Variants in SLF2 observed in about 807,000 individuals in gnomAD.
SLF2 encodes SMC5/6 complex localization factor 2.
A neutral mutation model predicts 124.3 loss-of-function variants in SLF2; 68 were observed. The ratio of observed to expected loss-of-function variants is 0.55; its 90% CI spans 0.45 to 0.67. The LOEUF is 0.67. SLF2 is among the 30% of genes least tolerant of loss of function. The pLI, the probability that SLF2 is intolerant of heterozygous loss-of-function variation, is 0.00. For missense variants in SLF2, 1,246 were observed against 1,373.7 expected, an observed-to-expected ratio of 0.91 and a Z score of 1.47; for synonymous variants, 480 against 478.8, an observed-to-expected ratio of 1.00 and a Z score of -0.03.
chr10:100,917,409 G>A (rs1310988163), intron 3 of SLF2, 109 bp downstream of exon 3: 6 of 1,244,892 alleles, frequency 4.8e-6, no homozygotes, highest in Admixed American at 5.4e-5. Context: ...CTTTCCTGAA[G>A]GAAATACTTA....
At chr10:100,947,329 A>ATT (rs879901254) in intron 14 of SLF2, among the ~76,000 whole-genome samples, 193 bp downstream of exon 14, 1 of 144,618 alleles carries the variant, frequency 6.9e-6, no homozygotes. Context: ...TCATTATGTA[A>ATT]TTTTTTTTTT....
chr10:100,915,133 A>G (rs917284906), intron 1 of SLF2, among the ~76,000 whole-genome samples: 6 of 152,204 alleles, frequency 3.9e-5, no homozygotes, highest in Non-Finnish European at 5.9e-5. Context: ...GTTAAGCCAG[A>G]TAATGAAATC....
At chr10:100,945,562 C>T (rs1008407375) in intron 13 of SLF2, 56 bp downstream of exon 13, 22 of 1,320,458 alleles carry the variant, frequency 1.7e-5, no homozygotes, top group Middle Eastern at 2.2e-4. Context: ...CAATTTGACT[C>T]ATAGTGCATA....
chr10:100,921,940 G>A (rs1270004858), intron 4 of SLF2, among the ~76,000 whole-genome samples: 1 of 152,154 alleles, frequency 6.6e-6, no homozygotes, highest in African/African-American at 2.4e-5. Context: ...TCAGGTAATG[G>A]GAGATATCTG....
At chr10:100,914,456 G>A (rs148296912) in intron 1 of SLF2, among the ~76,000 whole-genome samples, 84 of 152,096 alleles carry the variant, frequency 5.5e-4, no homozygotes, top group African/African-American at 2.0e-3. Context: ...TCTCTTTCTG[G>A]TGTATTAATC....
In SLF2 at chr10:100,912,979, C is replaced by G; in HGVS notation, c.-132C>G. The G allele has an allele frequency of 3.2e-6, 3 of 942,994 alleles. No individual in the cohort carries two copies. Among genetic ancestry groups the G allele is most frequent in the Non-Finnish European group, 4.7e-6 (3 of 643,448 alleles). 58.4% of individuals were successfully genotyped at this position (942,994 alleles called of 1,614,324 possible). A position where few individuals can be genotyped will look rare whatever the true frequency, so the allele number is the denominator to read the frequency against. On this transcript the variant is annotated 5_prime_UTR_variant, in exon 1 of 20. Transcript: ENST00000238961. ...GCCGGAGTCACTTCCGAAGAGAGAA[C>G]CGCCATGAAGAGAGAAGGGGGTGCC... is the stretch of plus-strand genomic sequence containing the variant.
At chr10:100,946,183 T>C (rs534303015) in intron 13 of SLF2, among the ~76,000 whole-genome samples, 1 of 152,328 alleles carries the variant, frequency 6.6e-6, no homozygotes, top group African/African-American at 2.4e-5. Flanking sequence ...ATCACTTTGC[T>C]TCAATAATTG....
At chr10:100,950,603 C>T (rs1487932182) in intron 16 of SLF2, 73 bp from the exon 17 acceptor site, 3 of 1,310,666 alleles carry the variant, frequency 2.3e-6, no homozygotes, top group African/African-American at 2.9e-5. Flanking sequence ...GGGCAATTTT[C>T]CTAATGTGTA....
intron 15 of SLF2, among the ~76,000 whole-genome samples, chr10:100,949,222 T>G (rs1045710041): frequency 6.6e-6 from 1 of 152,214 alleles, no homozygotes. Flanking sequence ...CAGATAGTTC[T>G]CATTCCTTTC....
chr10:100,961,042 C>T (rs568645532), intron 19 of SLF2, among the ~76,000 whole-genome samples: 1 of 100,250 alleles, frequency 1.0e-5, no homozygotes, highest in South Asian at 3.5e-4. Context: ...CGGAGTCTTG[C>T]TCTGTCACCC....
intron 3 of SLF2, among the ~76,000 whole-genome samples, chr10:100,917,977 C>T (rs935437667): frequency 6.6e-6 from 1 of 152,174 alleles, no homozygotes; most frequent in Non-Finnish European, 1.5e-5. Context: ...CTCCTAGCTA[C>T]TTAGGAGGCT....
Position 100,961,935 on chromosome 10 carries a change from A to G in SLF2, c.*23A>G, listed in dbSNP as rs200913431. On this transcript the variant is annotated 3_prime_UTR_variant, in exon 20 of 20. Transcript: ENST00000238961. ...TAATAGGAGTTGCAGCAGCAAAAAT[A>G]TGAACCAAGAGAAATTCAATAAGAG... 9.4e-6 allele frequency: 15 copies of G among 1,599,296 alleles called. No individual in the cohort carries two copies. Among genetic ancestry groups the G allele is most frequent in the South Asian group, 1.1e-5 (1 of 89,418 alleles).
chr10:100,941,298 A>T (rs1199038001), intron 11 of SLF2, among the ~76,000 whole-genome samples: 1 of 152,232 alleles, frequency 6.6e-6, no homozygotes, highest in African/African-American at 2.4e-5. Context: ...AAATTCAGAT[A>T]TTAAGGGATA....
At position 100,913,132 on chromosome 10, in the gene SLF2, G is replaced by A. The variant is rs1002228459; in HGVS notation, c.22G>A (p.Ala8Thr). The stretch of plus-strand genomic sequence containing the variant: ...CGACATGACAAGGCGCTGCATGCCC[G>A]CTAGGCCAGGTTTCCCCTCATCCCC... MTRRCMP[A>T]RPGFPSSPAP... The change falls in exon 1 of 20, where the codon GCT (alanine) becomes ACT (threonine). Residue 8 changes from alanine to threonine, a missense_variant. Ala to Thr is a moderately conservative substitution (Grantham distance 58). This residue lies in a region of SLF2 where 698 missense variants were observed against 708.9 expected (regional missense o/e 0.98). Coordinates refer to ENST00000238961, the MANE Select transcript of SLF2 (RefSeq NM_018121.4). 3.1e-6 allele frequency: 5 copies of A among 1,613,118 alleles called. No individual in the cohort carries two copies. The highest frequency in any genetic ancestry group is 1.7e-4 in the Middle Eastern group (1 of 6,060).
intron 19 of SLF2, 88 bp downstream of exon 19, chr10:100,959,584 C>T (rs764531572): frequency 1.0e-5 from 15 of 1,504,254 alleles, no homozygotes; most frequent in Non-Finnish European, 1.3e-5. Context: ...TAGGGTATAA[C>T]AGTGCACTTG....
rs749848290 is a variant in SLF2, at chr10:100,916,050, C to T, written c.184+8C>T. On this transcript the variant is annotated splice_region_variant and intron_variant, in intron 2 of 19. Transcript: ENST00000238961. ...AACCAGCTTCAAAACAAGGTATGTACACTGTTGATGCATTTTTTGTGGGCT... is the reference window on the plus strand; with the variant it reads ...AACCAGCTTCAAAACAAGGTATGTATACTGTTGATGCATTTTTTGTGGGCT... 6.2e-7 allele frequency: 1 copy of T among 1,607,992 alleles called. No individual in the cohort carries two copies. Among genetic ancestry groups the T allele is most frequent in the South Asian group, 1.1e-5 (1 of 90,366 alleles).
intron 13 of SLF2, among the ~76,000 whole-genome samples, chr10:100,946,474 A>C (rs994940896): frequency 6.6e-6 from 1 of 151,862 alleles, no homozygotes; most frequent in Admixed American, 6.6e-5. Flanking sequence ...CTATAGATAC[A>C]TGCCACTCCG....
chr10:100,939,154 G>T (rs904264328), intron 11 of SLF2, among the ~76,000 whole-genome samples: 2 of 152,212 alleles, frequency 1.3e-5, no homozygotes, highest in African/African-American at 2.4e-5. Context: ...AGAAAATTTG[G>T]TGTGGGTGTC....
At chr10:100,918,481 T>G (rs753871342) in intron 4 of SLF2, 40 bp downstream of exon 4, 7 of 1,333,242 alleles carry the variant, frequency 5.3e-6, no homozygotes, top group Non-Finnish European at 6.3e-6. Flanking sequence ...TAAATAAATT[T>G]CCATTTTAAT....
Sources: allele counts gnomAD v4.1 joint callset (sites outside exome capture counted in the v4.1 genomes callset), GRCh38; gene constraint gnomAD v4.1.1; regional missense constraint gnomAD v4.1.1; transcripts MANE v1.5; gene names NCBI Gene and HGNC (gene_info 2026-07-23, HGNC 2026-07-21).